Variants in FBXO11 observed in about 807,000 individuals in gnomAD.
FBXO11 encodes F-box protein 11.
Under a neutral mutation model 117.0 loss-of-function variants are expected in FBXO11, and 13 were observed. The ratio of observed to expected loss-of-function variants is 0.11; its 90% CI spans 0.07 to 0.18. The LOEUF (loss-of-function observed/expected upper bound fraction) is 0.18. Among genes scored for constraint, FBXO11 ranks in the 10% least tolerant of loss-of-function variants. The pLI is 1.00. For missense variants in FBXO11, 767 were observed against 1,164.4 expected (o/e 0.66, Z 4.97); for synonymous variants, 490 against 380.5 (o/e 1.29, Z -3.35).
intron 20 of FBXO11, 62 bp from the exon 21 acceptor site, chr2:47,809,328 A>G (rs1670453852): frequency 9.5e-7 from 1 of 1,057,760 alleles, no homozygotes; most frequent in Non-Finnish European, 1.4e-6. Flanking sequence ...AAAACCAAAG[A>G]TTATAGGATT....
At chr2:47,886,938 C>G (rs1444812987) in intron 1 of FBXO11, among the ~76,000 whole-genome samples, 1 of 152,092 alleles carries the variant, frequency 6.6e-6, no homozygotes, top group African/African-American at 2.4e-5. Context: ...AATCGAGAGG[C>G]AGAGGTTGAG....
At chr2:47,832,265 G>T in intron 11 of FBXO11, 84 bp downstream of exon 11, 2 of 1,132,040 alleles carry the variant, frequency 1.8e-6, no homozygotes, top group South Asian at 1.7e-5. Flanking sequence ...CAGATAATTT[G>T]GTGATGAGAA....
At chr2:47,862,274 A>G (rs1364607883) in intron 1 of FBXO11, among the ~76,000 whole-genome samples, 1 of 152,118 alleles carries the variant, frequency 6.6e-6, no homozygotes, top group Non-Finnish European at 1.5e-5. Flanking sequence ...TACATCCAAA[A>G]GCATCTTGAA....
chr2:47,864,185 A>G (rs1290728316), intron 1 of FBXO11, among the ~76,000 whole-genome samples: 1 of 152,246 alleles, frequency 6.6e-6, no homozygotes, highest in Non-Finnish European at 1.5e-5. Context: ...TCCTAATTAA[A>G]TGTTCCTATT....
chr2:47,812,651 G>A (rs1670707075), intron 18 of FBXO11, among the ~76,000 whole-genome samples: 1 of 152,184 alleles, frequency 6.6e-6, no homozygotes, highest in Non-Finnish European at 1.5e-5. Context: ...ATGTACAAAT[G>A]TTGGGTTATT....
intron 1 of FBXO11, among the ~76,000 whole-genome samples, chr2:47,902,887 T>G (rs921630530): frequency 6.6e-6 from 1 of 151,374 alleles, no homozygotes; most frequent in Non-Finnish European, 1.5e-5. Context: ...CTAATGCAAA[T>G]GTTACATATC....
chr2:47,855,209 TTTTG>T (rs1185446667), intron 1 of FBXO11, among the ~76,000 whole-genome samples: 1 of 152,024 alleles, frequency 6.6e-6, no homozygotes, highest in Non-Finnish European at 1.5e-5. Flanking sequence ...CATTTTTTTT[TTTTG>T]TTTTTGAGAC....
At chr2:47,848,482 T>C (rs1422720119) in intron 1 of FBXO11, among the ~76,000 whole-genome samples, 2 of 152,184 alleles carry the variant, frequency 1.3e-5, no homozygotes, top group African/African-American at 4.8e-5. Flanking sequence ...GTGGAAAAAC[T>C]GTCTTCCATA....
chr2:47,838,090 G>A (rs1208300941), intron 4 of FBXO11, among the ~76,000 whole-genome samples: 2 of 151,190 alleles, frequency 1.3e-5, no homozygotes, highest in African/African-American at 2.4e-5. Context: ...AAAATTAGCT[G>A]GGCATGGTGA....
intron 1 of FBXO11, among the ~76,000 whole-genome samples, chr2:47,861,703 G>GT (rs1178941809): frequency 6.6e-6 from 1 of 152,088 alleles, no homozygotes; most frequent in Non-Finnish European, 1.5e-5. Context: ...AACTTGCTTG[G>GT]TTTTGGCTTC....
At chr2:47,822,652 TGATTA>T (rs1003042412) in intron 12 of FBXO11, among the ~76,000 whole-genome samples, 10 of 152,344 alleles carry the variant, frequency 6.6e-5, no homozygotes, top group African/African-American at 2.4e-4. Context: ...TCATAGTGTC[TGATTA>T]GATTATAATA....
intron 5 of FBXO11, 119 bp downstream of exon 5, chr2:47,835,753 C>T: frequency 1.5e-6 from 1 of 650,540 alleles, no homozygotes; most frequent in Non-Finnish European, 2.3e-6. Context: ...CTACCTCGGC[C>T]TCCCAAGGTG....
rs371527908 is a variant in FBXO11 at position 47,868,665 on chromosome 2, T to C, written c.233-28896A>G. ...AGGCTCATAAACAAAGTGGCCATAC[T>C]GGGAGGAATGGAGGTTATACATGGG... On this transcript the variant is annotated intron_variant, in intron 1 of 22. Transcript: ENST00000403359. Among the ~76,000 whole-genome samples the C allele has an allele frequency of 2.3e-3, 351 of 152,272 alleles. 2 individuals are homozygous for C. Among genetic ancestry groups the C allele is most frequent in the South Asian group, 7.2e-3 (35 of 4,830 alleles).
chr2:47,839,871 T>A, intron 1 of FBXO11, 102 bp from the exon 2 acceptor site: 1 of 1,014,790 alleles, frequency 9.9e-7, no homozygotes. Context: ...AGGGAGCAGA[T>A]GTAAGTTTTA....
rs143545997 is a variant in FBXO11, at chr2:47,820,595, T to A, written c.1703-139A>T. On this transcript the variant is annotated intron_variant, in intron 13 of 22. Coordinates refer to ENST00000403359, the MANE Select transcript of FBXO11 (RefSeq NM_001190274.2). ...AAGACAAAATTAAGAGAACTAGAAG[T>A]GTAAATAGATGCAGAGAGCTGCAGG... The A allele has an allele frequency of 4.1e-4, 260 of 627,878 alleles. 2 individuals carry two copies. The African/African-American group carries it at 4.2e-3, about 10-fold the overall frequency. 38.9% of individuals were successfully genotyped at this position (627,878 alleles called of 1,614,324 possible).
Position 47,838,893 on chromosome 2 carries a change from G to A in FBXO11, c.553C>T (p.Arg185Cys). The A allele has an allele frequency of 1.2e-6, 2 of 1,613,938 alleles. No homozygotes were observed. The highest frequency in any genetic ancestry group is 1.7e-6 in the Non-Finnish European group (2 of 1,179,912). ...DLCRAACVCK[R>C]FSELANDPIL... ...GGATCATTAGCAAGTTCACTGAAGCGTTTACATACACAAGCTGCTCTACAA... is the reference window on the plus strand; with the variant it reads ...GGATCATTAGCAAGTTCACTGAAGCATTTACATACACAAGCTGCTCTACAA... Residue 185 changes from arginine (R) to cysteine (C), a missense_variant, in exon 4 of 23, where the codon CGC (arginine) becomes TGC (cysteine). By Grantham distance (180) the Arg-to-Cys change is radical (BLOSUM62 -3). Coordinates refer to ENST00000403359, the MANE Select transcript of FBXO11 (RefSeq NM_001190274.2).
intron 1 of FBXO11, among the ~76,000 whole-genome samples, chr2:47,862,514 C>G (rs528771136): frequency 6.6e-6 from 1 of 152,212 alleles, no homozygotes; most frequent in South Asian, 2.1e-4. Context: ...GTCTTGAACT[C>G]CTGGGCTCAA....
chr2:47,863,488 C>CT (rs1674945783), intron 1 of FBXO11, among the ~76,000 whole-genome samples: 1 of 152,146 alleles, frequency 6.6e-6, no homozygotes, highest in African/African-American at 2.4e-5. Flanking sequence ...ATAAACTCTT[C>CT]TTTAAAGAAA....
Position 47,807,374 on chromosome 2 carries a change from A to AAAAC in FBXO11, c.*740_*743dup, listed in dbSNP as rs1322183395. 2 of 210,042 alleles carry AAAAC rather than the reference A, an allele frequency of 9.5e-6. No homozygotes were observed. The highest frequency in any genetic ancestry group is 1.5e-4 in the East Asian group (2 of 13,706). The allele number at this position is 210,042 out of a possible 1,614,324, so 13.0% of individuals were successfully genotyped here. On this transcript the variant is annotated 3_prime_UTR_variant, in exon 23 of 23. Transcript: ENST00000403359. ...GCATCCCTTCCTAGGAAGTCTCATTAAAACACTCACTTTTTCTAGGGGTGA... is the reference window on the plus strand; with the variant it reads ...GCATCCCTTCCTAGGAAGTCTCATTAAAACAAACACTCACTTTTTCTAGGGGTGA...
Sources: gnomAD v4.1 joint callset for allele counts (sites outside exome capture counted in the v4.1 genomes callset) on GRCh38, gnomAD v4.1.1 for gene constraint, MANE v1.5 for transcripts, NCBI Gene and HGNC (gene_info 2026-07-23, HGNC 2026-07-21) for gene names.